TMEM132C: variants seen among roughly 807,000 people sequenced by gnomAD.
The protein encoded by TMEM132C is protein phosphatase 1, regulatory subunit 152.
In TMEM132C, 29 loss-of-function variants were observed where a neutral mutation model predicts 61.4. That is an observed-to-expected ratio of 0.47 (90% CI 0.35 to 0.64). TMEM132C has a LOEUF of 0.64. Ranked by LOEUF, TMEM132C falls within the 30% of genes least tolerant of loss-of-function variation. The pLI is 0.00. For synonymous variants in TMEM132C, 656 were observed against 633.1 expected, an observed-to-expected ratio of 1.04 and a Z score of -0.54; for missense variants, 1,408 against 1,476.9, an observed-to-expected ratio of 0.95 and a Z score of 0.76.
rs1447156606 is a variant in TMEM132C at position 128,622,357 on chromosome 12, AAAAATATATATATATAT to A, written c.1305+6024_1305+6040del. On this transcript the variant is annotated intron_variant, in intron 4 of 8. Coordinates refer to ENST00000435159, the MANE Select transcript of TMEM132C (RefSeq NM_001136103.3). ...AGACTTTGTCTCAAAAAAAAAAAAA[AAAAATATATATATATAT>A]ATATATATATATATATATATATATA... Among the ~76,000 whole-genome samples the A allele has an allele frequency of 2.6e-3, 156 of 60,268 alleles. 2 individuals carry two copies. The Middle Eastern group carries it at 0.03, about 12-fold the overall frequency. 39.5% of individuals were successfully genotyped at this position (60,268 alleles called of 152,430 possible).
intron 2 of TMEM132C, among the ~76,000 whole-genome samples, chr12:128,540,256 T>C (rs1873688452): frequency 6.6e-6 from 1 of 152,162 alleles, no homozygotes; most frequent in Admixed American, 6.5e-5. Context: ...TCTCTGTTTT[T>C]GGTTTTGTTT....
At chr12:128,352,391 A>G (rs1417804986) in intron 1 of TMEM132C, among the ~76,000 whole-genome samples, 1 of 152,166 alleles carries the variant, frequency 6.6e-6, no homozygotes, top group Non-Finnish European at 1.5e-5. Context: ...ATGGGGAACC[A>G]TGACCATGAT....
chr12:128,504,178 A>T (rs1413561949), intron 2 of TMEM132C, among the ~76,000 whole-genome samples: 2 of 152,144 alleles, frequency 1.3e-5, no homozygotes, highest in African/African-American at 4.8e-5. Flanking sequence ...AGGGTCTCCA[A>T]GAGCAAGTGA....
Position 128,570,624 on chromosome 12 carries a change from C to A in TMEM132C, c.1121+26521C>A, listed in dbSNP as rs1874844668. 6.6e-6 allele frequency among the ~76,000 whole-genome samples: 1 copy of A among 152,098 alleles called. No individual in the cohort carries two copies. Among genetic ancestry groups the A allele is most frequent in the Non-Finnish European group, 1.5e-5 (1 of 68,018 alleles). ...GGCTGGCTCAGTGTCTCCACAACGCCAGGGGACCCAGGCTCCTTTTCTCTT... is the reference window on the plus strand; with the variant it reads ...GGCTGGCTCAGTGTCTCCACAACGCAAGGGGACCCAGGCTCCTTTTCTCTT... On this transcript the variant is annotated intron_variant, in intron 3 of 8. Coordinates refer to ENST00000435159, the MANE Select transcript of TMEM132C (RefSeq NM_001136103.3). This position sits in a 1 kb window ranked among gnomAD's most constrained non-coding sequence, Gnocchi z 4.7.
At chr12:128,654,637 G>C (rs1377607588) in intron 4 of TMEM132C, among the ~76,000 whole-genome samples, 1 of 152,180 alleles carries the variant, frequency 6.6e-6, no homozygotes, top group Non-Finnish European at 1.5e-5. Flanking sequence ...GGCTCCTGCA[G>C]GATCTCCGAG....
chr12:128,488,757 A>C (rs1871596115), intron 2 of TMEM132C, among the ~76,000 whole-genome samples: 1 of 152,156 alleles, frequency 6.6e-6, no homozygotes, highest in Admixed American at 6.5e-5. Flanking sequence ...CTAGAAAATG[A>C]CTTTCTTCAA....
intron 1 of TMEM132C, among the ~76,000 whole-genome samples, chr12:128,300,630 A>G (rs539182644): frequency 6.6e-6 from 1 of 152,246 alleles, no homozygotes; most frequent in African/African-American, 2.4e-5. Context: ...CAGTTCTAAG[A>G]ACCAGGGGTG....
chr12:128,576,581 T>C (rs1365920327), intron 3 of TMEM132C, among the ~76,000 whole-genome samples: 1 of 152,250 alleles, frequency 6.6e-6, no homozygotes, highest in African/African-American at 2.4e-5. Flanking sequence ...AGCGACATGC[T>C]TGTACACTTT....
intron 6 of TMEM132C, 76 bp from the exon 7 acceptor site, chr12:128,695,754 G>C (rs917393166): frequency 4.8e-6 from 7 of 1,444,636 alleles, no homozygotes; most frequent in Non-Finnish European, 6.4e-6. Context: ...TGAGGTTGAG[G>C]TGAGCGCCTG....
intron 1 of TMEM132C, among the ~76,000 whole-genome samples, chr12:128,344,577 G>C (rs1188616190): frequency 1.3e-5 from 2 of 152,132 alleles, no homozygotes; most frequent in Non-Finnish European, 2.9e-5. Flanking sequence ...CTACACTATA[G>C]AGCCATAAGA....
chr12:128,467,615 A>G (rs975089762), intron 2 of TMEM132C, among the ~76,000 whole-genome samples: 5 of 152,186 alleles, frequency 3.3e-5, no homozygotes, highest in Admixed American at 6.5e-5. Context: ...AGCAGGGGTC[A>G]GGTCCAGATT....
At chr12:128,649,107 TTGC>T (rs1425255951) in intron 4 of TMEM132C, among the ~76,000 whole-genome samples, 1 of 152,232 alleles carries the variant, frequency 6.6e-6, no homozygotes, top group Non-Finnish European at 1.5e-5. Flanking sequence ...GTCCAGGTGA[TTGC>T]CAGCCTGGCT....
chr12:128,481,776 G>A (rs1871323495), intron 2 of TMEM132C, among the ~76,000 whole-genome samples: 3 of 152,058 alleles, frequency 2.0e-5, no homozygotes, highest in African/African-American at 7.2e-5. Flanking sequence ...AGGGGAAGGG[G>A]GCTTGGTTGT....
chr12:128,705,354 A>G lies in TMEM132C; in HGVS notation c.2386A>G (p.Arg796Gly). ...SILAVGVGNV[R>G]VKFGQNDADS... ...CCTGGCTGTGGGCGTCGGCAACGTC[A>G]GGGTCAAGTTCGGACAGAACGATGC... The change falls in exon 9 of 9, where the codon AGG becomes GGG. Residue 796 changes from arginine (R) to glycine (G), a missense_variant. Coordinates refer to ENST00000435159, the MANE Select transcript of TMEM132C (RefSeq NM_001136103.3). The G allele has an allele frequency of 2.6e-6, 4 of 1,551,490 alleles. No homozygotes were observed. Among genetic ancestry groups the G allele is most frequent in the Non-Finnish European group, 2.6e-6 (3 of 1,146,960 alleles).
chr12:128,311,567 A>G (rs1871964119), intron 1 of TMEM132C, among the ~76,000 whole-genome samples: 1 of 152,236 alleles, frequency 6.6e-6, no homozygotes, highest in Admixed American at 6.5e-5. Flanking sequence ...ATGTTGATCA[A>G]GTCCATTAGA....
intron 5 of TMEM132C, among the ~76,000 whole-genome samples, chr12:128,680,596 C>T (rs57084554): frequency 0.44 from 66,175 of 152,044 alleles, 14,537 homozygotes; most frequent in Admixed American, 0.47. Context: ...CCACACTGGA[C>T]AGCACACATA....
chr12:128,622,343 CAA>C (rs71069584), intron 4 of TMEM132C, among the ~76,000 whole-genome samples: 193 of 15,986 alleles, frequency 0.012, no homozygotes, highest in African/African-American at 0.019. Context: ...GACTTTGTCT[CAA>C]AAAAAAAAAA....
At chr12:128,544,732 G>T (rs1037394757) in intron 3 of TMEM132C, among the ~76,000 whole-genome samples, 1 of 152,170 alleles carries the variant, frequency 6.6e-6, no homozygotes, top group African/African-American at 2.4e-5. Context: ...TGTTATACCT[G>T]TGTAAGGCTA....
chr12:128,491,041 G>A (rs150306868), intron 2 of TMEM132C, among the ~76,000 whole-genome samples: 2 of 152,062 alleles, frequency 1.3e-5, no homozygotes, highest in Non-Finnish European at 2.9e-5. Context: ...AGTGAGTAAG[G>A]AGTGGAGTTG....
Sources: gnomAD v4.1 joint callset for allele counts (sites outside exome capture counted in the v4.1 genomes callset) on GRCh38, gnomAD v4.1.1 for gene constraint, Gnocchi (gnomAD v3.1) non-coding constraint, MANE v1.5 for transcripts, NCBI Gene and HGNC (gene_info 2026-07-23, HGNC 2026-07-21) for gene names.